Variants in FGD3 observed in about 807,000 individuals in gnomAD.
FGD3 encodes FYVE, RhoGEF and PH domain-containing protein 3.
A neutral mutation model predicts 71.8 loss-of-function variants in FGD3; 45 were observed. The ratio of observed to expected loss-of-function variants is 0.63; its 90% CI spans 0.49 to 0.80. FGD3 has a LOEUF of 0.80. Ranked by LOEUF, FGD3 falls within the 30% of genes least tolerant of loss-of-function variation. The pLI is 0.00. For missense variants in FGD3, 844 were observed against 951.5 expected, an observed-to-expected ratio of 0.89 and a Z score of 1.49; for synonymous variants, 378 against 392.8, an observed-to-expected ratio of 0.96 and a Z score of 0.44.
At chr9:92,949,932 C>G (rs1858923369) in intron 1 of FGD3, among the ~76,000 whole-genome samples, 2 of 152,216 alleles carry the variant, frequency 1.3e-5, no homozygotes, top group African/African-American at 4.8e-5. Flanking sequence ...GACCAACTAA[C>G]CAACCAGCTA....
Position 93,003,013 on chromosome 9 carries a change from AG to A in FGD3, c.543+1del, listed in dbSNP as rs1860916040. 6.2e-7 allele frequency: 1 copy of A among 1,614,044 alleles called. No individual in the cohort carries two copies. The highest frequency in any genetic ancestry group is 1.1e-5 in the South Asian group (1 of 91,088). ...GTGAAGCGGCTGCACCTGCTGGACC[AG>A]GTAGCCCACATGGCTTGGGGGCAGT... ...TYVKRLHLLD[Q>X]VFCTRLTDAG... On this transcript the variant is annotated frameshift_variant and splice_region_variant, in exon 4 of 18. Coordinates refer to ENST00000375482, the MANE Select transcript of FGD3 (RefSeq NM_001083536.2). LOFTEE classifies it high-confidence loss of function. This position sits in a 1 kb window ranked among gnomAD's most constrained non-coding sequence, Gnocchi z 4.1.
chr9:93,010,465 GA>G, intron 7 of FGD3, 81 bp downstream of exon 7: 1 of 1,372,310 alleles, frequency 7.3e-7, no homozygotes, highest in Non-Finnish European at 9.7e-7. Flanking sequence ...GGGAGAGAGA[GA>G]GTCGTGGGGT....
At chr9:93,008,869 G>A (rs1170496323) in intron 6 of FGD3, among the ~76,000 whole-genome samples, 3 of 151,802 alleles carry the variant, frequency 2.0e-5, no homozygotes, top group African/African-American at 7.3e-5. Flanking sequence ...TTGGGAGGCT[G>A]AGACAGAATT....
chr9:93,028,995 G>GTTTGTTTTTTTTTTT (rs1862244752), intron 14 of FGD3, among the ~76,000 whole-genome samples: 1 of 51,716 alleles, frequency 1.9e-5, no homozygotes, highest in Non-Finnish European at 3.7e-5. Flanking sequence ...TGTCCTCACA[G>GTTTGTTTTTTTTTTT]TTTTTTTTTT....
At chr9:92,964,999 C>T (rs4587396) in intron 1 of FGD3, among the ~76,000 whole-genome samples, 14,326 of 152,246 alleles carry the variant, frequency 0.094, 891 homozygotes, top group African/African-American at 0.17. Flanking sequence ...AGGAGTGCTG[C>T]GCCCACCAAA....
Position 93,010,087 on chromosome 9 carries a change from G to A in FGD3, c.838-159G>A, listed in dbSNP as rs1298446079. Reference sequence around the variant, plus strand: ...GTCTCTCTGAGCCTCAGTTTCCCTCGTTGTAAAGTGTGGTCTGTGTCAGCC... The same window carrying A: ...GTCTCTCTGAGCCTCAGTTTCCCTCATTGTAAAGTGTGGTCTGTGTCAGCC... On this transcript the variant is annotated intron_variant, in intron 6 of 17. Transcript: ENST00000375482. 5.3e-5 allele frequency among the ~76,000 whole-genome samples: 8 copies of A among 152,184 alleles called. No homozygotes were observed. The South Asian group carries it at 6.2e-4, about 12-fold the overall frequency.
intron 3 of FGD3, among the ~76,000 whole-genome samples, chr9:93,002,260 T>C (rs1860881932): frequency 6.6e-6 from 1 of 152,098 alleles, no homozygotes; most frequent in South Asian, 2.1e-4. Context: ...CACTGAAACT[T>C]ACAGAGGTTT....
intron 3 of FGD3, among the ~76,000 whole-genome samples, chr9:92,977,556 C>T (rs894138871): frequency 2.6e-5 from 4 of 152,182 alleles, no homozygotes; most frequent in Middle Eastern, 3.4e-3. Context: ...CCACTGTGAG[C>T]TGGCTTGGCG....
chr9:93,004,196 A>G (rs1350203627), intron 5 of FGD3, 59 bp downstream of exon 5: 2 of 1,597,856 alleles, frequency 1.3e-6, no homozygotes, highest in South Asian at 1.1e-5. Flanking sequence ...ACCAGGGTTC[A>G]TGTGCCTGAG....
intron 1 of FGD3, among the ~76,000 whole-genome samples, chr9:92,957,736 C>T (rs1437722551): frequency 2.8e-5 from 4 of 141,174 alleles, no homozygotes; most frequent in African/African-American, 1.1e-4. Flanking sequence ...TGGAGTGCAG[C>T]AGTAGCATGA....
intron 1 of FGD3, among the ~76,000 whole-genome samples, chr9:92,967,107 G>A (rs7469250): frequency 0.18 from 27,381 of 151,462 alleles, 2,780 homozygotes; most frequent in South Asian, 0.33. Context: ...GATTACAGGC[G>A]CCCACCACCA....
chr9:93,008,166 G>A (rs1395399715), intron 6 of FGD3, among the ~76,000 whole-genome samples: 1 of 151,644 alleles, frequency 6.6e-6, no homozygotes, highest in Non-Finnish European at 1.5e-5. Context: ...TACAGATGAT[G>A]ATGACTTTTG....
intron 9 of FGD3, among the ~76,000 whole-genome samples, chr9:93,014,862 G>A (rs144209893): frequency 0.025 from 3,742 of 152,044 alleles, 170 homozygotes; most frequent in African/African-American, 0.084. Flanking sequence ...GTCTGGTCTC[G>A]AGCTCCTGAC....
chr9:93,016,700 T>C (rs1000490009), intron 10 of FGD3, among the ~76,000 whole-genome samples: 1 of 150,070 alleles, frequency 6.7e-6, no homozygotes, highest in Non-Finnish European at 1.5e-5. Context: ...CTCGGCTCAC[T>C]GCGACCTCCA....
intron 1 of FGD3, among the ~76,000 whole-genome samples, chr9:92,967,557 G>A (rs1377780952): frequency 6.6e-6 from 1 of 152,138 alleles, no homozygotes; most frequent in Non-Finnish European, 1.5e-5. Flanking sequence ...GTTGTGGCAT[G>A]GGTCAGAATT....
At position 93,032,792 on chromosome 9, in the gene FGD3, G is replaced by C; in HGVS notation, c.1704G>C (p.Glu568Asp). 9.3e-6 allele frequency: 15 copies of C among 1,614,232 alleles called. No individual in the cohort carries two copies. Among genetic ancestry groups the C allele is most frequent in the Non-Finnish European group, 1.3e-5 (15 of 1,180,032 alleles). The change falls in exon 16 of 18, where the codon GAG becomes GAC. Residue 568 changes from glutamate to aspartate, a missense_variant. Physicochemically the swap from Glu to Asp is conservative, Grantham distance 45. Transcript: ENST00000375482. ...CGAVICGKCS[E>D]FKAENSRQSR... ...AGGTCATCTGTGGGAAGTGCTCCGAGTTCAAGGCCGAGAACAGCCGGCAGA... is the reference window on the plus strand; with the variant it reads ...AGGTCATCTGTGGGAAGTGCTCCGACTTCAAGGCCGAGAACAGCCGGCAGA...
intron 3 of FGD3, among the ~76,000 whole-genome samples, chr9:92,987,250 G>A (rs1255631064): frequency 2.6e-5 from 4 of 151,988 alleles, no homozygotes; most frequent in East Asian, 1.9e-4. Flanking sequence ...GGCTAACACG[G>A]TAAAACCCCA....
intron 3 of FGD3, among the ~76,000 whole-genome samples, chr9:92,992,017 T>TAA (rs1280484787): frequency 6.6e-6 from 1 of 152,230 alleles, no homozygotes; most frequent in Non-Finnish European, 1.5e-5. Context: ...TTTTCATCCT[T>TAA]AACTTTCAGT....
At chr9:92,961,842 A>G (rs754195267) in intron 1 of FGD3, among the ~76,000 whole-genome samples, 3 of 152,102 alleles carry the variant, frequency 2.0e-5, no homozygotes, top group Admixed American at 6.5e-5. Context: ...CTGCTTGAGC[A>G]TCCTCATAAC....
Sources: gnomAD v4.1 joint callset for allele counts (sites outside exome capture counted in the v4.1 genomes callset) on GRCh38, gnomAD v4.1.1 for gene constraint, Gnocchi (gnomAD v3.1) non-coding constraint, MANE v1.5 for transcripts, NCBI Gene and HGNC (gene_info 2026-07-23, HGNC 2026-07-21) for gene names.